DXO: variants seen among roughly 807,000 people sequenced by gnomAD.
The protein encoded by DXO is decapping and exoribonuclease protein.
A neutral mutation model predicts 39.8 loss-of-function variants in DXO; 42 were observed. The ratio of observed to expected loss-of-function variants is 1.06; its 90% confidence interval spans 0.83 to 1.37. The LOEUF (loss-of-function observed/expected upper bound fraction) is 1.37, where lower values mean the gene tolerates loss of function less well. DXO is among the 40% of genes most tolerant of loss of function. DXO has a pLI of 0.00. For missense variants in DXO, 495 were observed against 513.0 expected (o/e 0.96, Z 0.34); for synonymous variants, 193 against 200.4 (o/e 0.96, Z 0.31).
Position 31,971,571 on chromosome 6 carries a change from G to C in DXO, c.105C>G (p.Leu35=). ...GGTAGAAAGGAAAGGGCCCAGAGTA[G>C]AGGGCAGGGTCTGTGGGCAGAGAAG... ...PAPSLPTDPA[L]YSGPFPFYRR... The change falls in exon 2 of 7, where the codon CTC becomes CTG. Residue 35 remains leucine (L), a synonymous_variant. Transcript: ENST00000337523. The surrounding 1 kb of genome is among the most constrained non-coding windows in gnomAD (Gnocchi z 4.5). 2 of 1,614,122 alleles carry C rather than the reference G, an allele frequency of 1.2e-6. No homozygotes were observed. Among genetic ancestry groups the C allele is most frequent in the Non-Finnish European group, 1.7e-6 (2 of 1,180,042 alleles).
At position 31,970,174 on chromosome 6, in the gene DXO, C is replaced by T. The variant is rs1253320239; in HGVS notation, c.978G>A (p.Val326=). The T allele has an allele frequency of 1.4e-5, 23 of 1,613,792 alleles. No homozygotes were observed. Among genetic ancestry groups the T allele is most frequent in the Non-Finnish European group, 1.9e-5 (23 of 1,180,008 alleles). The change falls in exon 6 of 7, where the codon GTG becomes GTA. Residue 326 remains valine, a synonymous_variant. Coordinates refer to ENST00000337523, the MANE Select transcript of DXO (RefSeq NM_005510.4). This position sits in a 1 kb window ranked among gnomAD's most constrained non-coding sequence, Gnocchi z 4.0. ...RNDRDGWNPS[V]CMNFCAAFLS... ...GGAAGGCGGCACAGAAGTTCATGCA[C>T]ACAGAGGGATTCCAGCCGTCACGGT... is the stretch of plus-strand genomic sequence containing the variant.
Position 31,971,444 on chromosome 6 carries a change from G to C in DXO, c.232C>G (p.Pro78Ala), listed in dbSNP as rs1167847307. The change falls in exon 2 of 7, where the codon CCA (proline) becomes GCA (alanine). Residue 78 changes from proline to alanine, a missense_variant. Pro to Ala is a conservative substitution (Grantham distance 27). Coordinates refer to ENST00000337523, the MANE Select transcript of DXO (RefSeq NM_005510.4). This position sits in a 1 kb window ranked among gnomAD's most constrained non-coding sequence, Gnocchi z 4.5. ...TCTCTGAGGTCAAAGTTGGGGCCTG[G>C]ACCGTTAGTGGGGGGTGGGCTATAG... ...RYYSPPPTNGPGPNFDLRDGY... is the reference protein window; with the variant it reads ...RYYSPPPTNGAGPNFDLRDGY... The C allele has an allele frequency of 6.2e-7, 1 of 1,613,500 alleles. No homozygotes were observed. The highest frequency in any genetic ancestry group is 8.5e-7 in the Non-Finnish European group (1 of 1,179,622).
At position 31,971,551 on chromosome 6, in the gene DXO, A is replaced by G; in HGVS notation, c.125T>C (p.Phe42Ser). ...DPALYSGPFP[F>S]YRRPSELGCF... ...GCCCAGTTCCGAAGGGCGCCGGTAGAAAGGAAAGGGCCCAGAGTAGAGGGC... is the reference window on the plus strand; with the variant it reads ...GCCCAGTTCCGAAGGGCGCCGGTAGGAAGGAAAGGGCCCAGAGTAGAGGGC... The change falls in exon 2 of 7, where the codon TTC becomes TCC. Residue 42 changes from phenylalanine to serine, a missense_variant. Transcript: ENST00000337523. The surrounding 1 kb of genome is among the most constrained non-coding windows in gnomAD (Gnocchi z 4.5). 6.2e-7 allele frequency: 1 copy of G among 1,614,170 alleles called. No homozygotes were observed. The highest frequency in any genetic ancestry group is 2.2e-5 in the East Asian group (1 of 44,884).
Position 31,970,040 on chromosome 6 carries a change from A to T in DXO, c.1044-16T>A. The stretch of plus-strand genomic sequence containing the variant: ...ATGAACGAGCCTGGGGGGCAGATGG[A>T]GGCATCAGTTGAGGGCCAGAGGCTG... On this transcript the variant is annotated splice_polypyrimidine_tract_variant and intron_variant, in intron 6 of 6. Transcript: ENST00000337523. This position sits in a 1 kb window ranked among gnomAD's most constrained non-coding sequence, Gnocchi z 4.0. The T allele has an allele frequency of 6.2e-7, 1 of 1,613,980 alleles. No homozygotes were observed. Among genetic ancestry groups the T allele is most frequent in the South Asian group, 1.1e-5 (1 of 91,078 alleles).
rs1488636758 is a variant in DXO, at chr6:31,970,731, C to G, written c.687G>C (p.Leu229=). The change falls in exon 4 of 7, where the codon CTG becomes CTC. Residue 229 remains leucine (L), a synonymous_variant. Coordinates refer to ENST00000337523, the MANE Select transcript of DXO (RefSeq NM_005510.4). The surrounding 1 kb of genome is among the most constrained non-coding windows in gnomAD (Gnocchi z 4.0). ...TGCAGTCTACCTCCCCTGAGAAGAG[C>G]AGAGGGTGGCTTCCCAGGCGGCTGC... ...VLRSRLGSHP[L]LFSGEVDCTD... The G allele has an allele frequency of 1.9e-6, 3 of 1,612,808 alleles. No homozygotes were observed. Among genetic ancestry groups the G allele is most frequent in the African/African-American group, 2.7e-5 (2 of 74,868 alleles).
In DXO at chr6:31,971,078, C is replaced by T. The variant is rs1290824972; in HGVS notation, c.426G>A (p.Pro142=). 1.9e-6 allele frequency: 3 copies of T among 1,612,936 alleles called. No homozygotes were observed. The highest frequency in any genetic ancestry group is 1.3e-5 in the African/African-American group (1 of 75,016). The stretch of plus-strand genomic sequence containing the variant: ...GCTGCCAGCCCTCCTGCCGCTCATA[C>T]GGTGTCGTCAGCAGTTTTGTCAGGT... ...RGHLTKLLTT[P]YERQEGWQLA... is the part of the protein sequence containing the mutation. Residue 142 remains proline, a synonymous_variant, in exon 3 of 7, where the codon CCG becomes CCA. Transcript: ENST00000337523. This position sits in a 1 kb window ranked among gnomAD's most constrained non-coding sequence, Gnocchi z 4.5.
Position 31,970,275 on chromosome 6 carries a change from C to T in DXO, c.948+68G>A. Reference sequence around the variant, plus strand: ...GGGAGGAGAGAAGGCAGGCTGTTGCCCTGGATGCTAGACCTGTGGTCTTGG... The same window carrying T: ...GGGAGGAGAGAAGGCAGGCTGTTGCTCTGGATGCTAGACCTGTGGTCTTGG... On this transcript the variant is annotated intron_variant, in intron 5 of 6. Coordinates refer to ENST00000337523, the MANE Select transcript of DXO (RefSeq NM_005510.4). The surrounding 1 kb of genome is among the most constrained non-coding windows in gnomAD (Gnocchi z 4.0). The T allele has an allele frequency of 1.9e-6, 3 of 1,613,840 alleles. No homozygotes were observed. The highest frequency in any genetic ancestry group is 1.7e-5 in the Admixed American group (1 of 59,988).
chr6:31,971,817 G>A lies in DXO; in HGVS notation c.-7+112C>T. On this transcript the variant is annotated intron_variant, in intron 1 of 6. Coordinates refer to ENST00000337523, the MANE Select transcript of DXO (RefSeq NM_005510.4). This position sits in a 1 kb window ranked among gnomAD's most constrained non-coding sequence, Gnocchi z 4.5. ...TTCAGGCCCCTCAGACGCCACCGCG[G>A]CCAAGCTCTCATCCTGCCTCTTTCC... The A allele has an allele frequency of 7.6e-7, 1 of 1,316,584 alleles. No individual in the cohort carries two copies. Among genetic ancestry groups the A allele is most frequent in the East Asian group, 2.5e-5 (1 of 39,904 alleles). 81.6% of individuals were successfully genotyped at this position (1,316,584 alleles called of 1,614,324 possible). A position where few individuals can be genotyped will look rare whatever the true frequency, so the allele number is the denominator to read the frequency against.
chr6:31,971,944 C>A lies in DXO; in HGVS notation c.-22G>T. 1 of 1,554,962 alleles carries A rather than the reference C, an allele frequency of 6.4e-7. No individual in the cohort carries two copies. The highest frequency in any genetic ancestry group is 1.2e-5 in the South Asian group (1 of 83,472). On this transcript the variant is annotated 5_prime_UTR_variant, in exon 1 of 7. Transcript: ENST00000337523. The surrounding 1 kb of genome is among the most constrained non-coding windows in gnomAD (Gnocchi z 4.5). ...ATCCAGTTACCTCAAAGCTCCCCAA[C>A]TTCCACCTCCGCAGAGCTATGACGT...
At position 31,971,235 on chromosome 6, in the gene DXO, CTGAT is replaced by C. The variant is rs1188907239; in HGVS notation, c.356+81_356+84del. On this transcript the variant is annotated intron_variant, in intron 2 of 6. Coordinates refer to ENST00000337523, the MANE Select transcript of DXO (RefSeq NM_005510.4). This position sits in a 1 kb window ranked among gnomAD's most constrained non-coding sequence, Gnocchi z 4.5. Reference sequence around the variant, plus strand: ...AGAATAGTCTTGTTTCTTCTAAGGACTGATTCTCACCCCGGCTTTGGCTCTCCTA... The same window carrying C: ...AGAATAGTCTTGTTTCTTCTAAGGACTCTCACCCCGGCTTTGGCTCTCCTA... The C allele has an allele frequency of 1.3e-4, 203 of 1,553,976 alleles. No homozygotes were observed. The highest frequency in any genetic ancestry group is 1.6e-4 in the Non-Finnish European group (184 of 1,148,134).
chr6:31,970,649 A>C lies in DXO; in HGVS notation c.769T>G (p.Ser257Ala). ...TGGCCAGGGCTGTGCATCTCCTTGG[A>C]GGTCTTGAGCTCCACATAGCAGGTT... Reference protein sequence around the residue: ...PPTCYVELKTSKEMHSPGQWR... With the variant: ...PPTCYVELKTAKEMHSPGQWR... Residue 257 changes from serine (S) to alanine (A), a missense_variant, in exon 4 of 7, where the codon TCC (serine) becomes GCC (alanine). Physicochemically the swap from Ser to Ala is moderately conservative, Grantham distance 99 (BLOSUM62 1). Transcript: ENST00000337523. This position sits in a 1 kb window ranked among gnomAD's most constrained non-coding sequence, Gnocchi z 4.0. The C allele has an allele frequency of 1.2e-6, 2 of 1,612,832 alleles. No homozygotes were observed. The highest frequency in any genetic ancestry group is 1.7e-6 in the Non-Finnish European group (2 of 1,179,946).
In DXO at chr6:31,970,137, G is replaced by A. The variant is rs2151819657; in HGVS notation, c.1015C>T (p.Gln339Ter). The A allele has an allele frequency of 1.2e-6, 2 of 1,613,910 alleles. No individual in the cohort carries two copies. Among genetic ancestry groups the A allele is most frequent in the Middle Eastern group, 3.3e-4 (2 of 6,062 alleles). Residue 339 changes from glutamine to a stop codon, truncating the protein, a stop_gained, in exon 6 of 7, where the codon CAG (glutamine) becomes TAG (stop). Coordinates refer to ENST00000337523, the MANE Select transcript of DXO (RefSeq NM_005510.4). LOFTEE classifies it high-confidence loss of function. This position sits in a 1 kb window ranked among gnomAD's most constrained non-coding sequence, Gnocchi z 4.0. ...NFCAAFLSFAQSTVVQDDPRL... is the reference protein window; with the variant it reads ...NFCAAFLSFA The stretch of plus-strand genomic sequence containing the variant: ...GGGTCATCCTGGACAACCGTGCTCT[G>A]GGCAAAGCTAAGGAAGGCGGCACAG...
rs1773286817 is a variant in DXO at position 31,971,228 on chromosome 6, C to T, written c.357-81G>A. On this transcript the variant is annotated intron_variant, in intron 2 of 6. Coordinates refer to ENST00000337523, the MANE Select transcript of DXO (RefSeq NM_005510.4). This position sits in a 1 kb window ranked among gnomAD's most constrained non-coding sequence, Gnocchi z 4.5. ...CCCTCGAAGAATAGTCTTGTTTCTTCTAAGGACTGATTCTCACCCCGGCTT... is the reference window on the plus strand; with the variant it reads ...CCCTCGAAGAATAGTCTTGTTTCTTTTAAGGACTGATTCTCACCCCGGCTT... The T allele has an allele frequency of 1.3e-6, 2 of 1,562,046 alleles. No individual in the cohort carries two copies. Among genetic ancestry groups the T allele is most frequent in the Admixed American group, 1.8e-5 (1 of 55,712 alleles).
In DXO at chr6:31,971,456, G is replaced by A. The variant is rs750238921; in HGVS notation, c.220C>T (p.Pro74Ser). The A allele has an allele frequency of 6.2e-7, 1 of 1,613,968 alleles. No homozygotes were observed. The highest frequency in any genetic ancestry group is 1.7e-5 in the Admixed American group (1 of 60,008). The change falls in exon 2 of 7, where the codon CCC (proline) becomes TCC (serine). Residue 74 changes from proline (P) to serine (S), a missense_variant. Coordinates refer to ENST00000337523, the MANE Select transcript of DXO (RefSeq NM_005510.4). The surrounding 1 kb of genome is among the most constrained non-coding windows in gnomAD (Gnocchi z 4.5). ...AAGTTGGGGCCTGGACCGTTAGTGG[G>A]GGGTGGGCTATAGTAGCGCAGGGCT... is the stretch of plus-strand genomic sequence containing the variant. Reference protein sequence around the residue: ...ARALRYYSPPPTNGPGPNFDL... With the variant: ...ARALRYYSPPSTNGPGPNFDL...
rs771914309 is a variant in DXO, at chr6:31,970,596, G to A, written c.812+10C>T. The A allele has an allele frequency of 2.8e-5, 45 of 1,612,572 alleles. No homozygotes were observed. The highest frequency in any genetic ancestry group is 3.3e-5 in the Admixed American group (2 of 59,958). ...CCTAAGCTCTCGCCCTGCCCACCCC[G>A]ATCCTGAACCTGTAGAAACTCCTCC... On this transcript the variant is annotated intron_variant, in intron 4 of 6. Transcript: ENST00000337523. The surrounding 1 kb of genome is among the most constrained non-coding windows in gnomAD (Gnocchi z 4.0).
Position 31,971,597 on chromosome 6 carries a change from G to GT in DXO, c.78dup (p.Pro27ThrfsTer45). 1 of 1,613,732 alleles carries GT rather than the reference G, an allele frequency of 6.2e-7. No homozygotes were observed. The highest frequency in any genetic ancestry group is 1.1e-5 in the South Asian group (1 of 91,080). On this transcript the variant is annotated frameshift_variant, in exon 2 of 7. Coordinates refer to ENST00000337523, the MANE Select transcript of DXO (RefSeq NM_005510.4). LOFTEE classifies it high-confidence loss of function. This position sits in a 1 kb window ranked among gnomAD's most constrained non-coding sequence, Gnocchi z 4.5. Reference sequence around the variant, plus strand: ...AGGGCAGGGTCTGTGGGCAGAGAAGGTGCTGGACGAGGTAGTTTGTTCCGA... The same window carrying GT: ...AGGGCAGGGTCTGTGGGCAGAGAAGGTTGCTGGACGAGGTAGTTTGTTCCGA...
rs749419336 is a variant in DXO at position 31,971,934 on chromosome 6, A to C, written c.-12T>G. On this transcript the variant is annotated 5_prime_UTR_variant, in exon 1 of 7. Transcript: ENST00000337523. This position sits in a 1 kb window ranked among gnomAD's most constrained non-coding sequence, Gnocchi z 4.5. ...CAGATCAAGAATCCAGTTACCTCAAAGCTCCCCAACTTCCACCTCCGCAGA... is the reference window on the plus strand; with the variant it reads ...CAGATCAAGAATCCAGTTACCTCAACGCTCCCCAACTTCCACCTCCGCAGA... The C allele has an allele frequency of 2.0e-4, 313 of 1,546,518 alleles. No individual in the cohort carries two copies. The highest frequency in any genetic ancestry group is 2.5e-4 in the Non-Finnish European group (289 of 1,143,736).
rs1773414542 is a variant in DXO, at chr6:31,972,115, C to G, written c.-193G>C. ...AAGGAGGTTGACACCAACGTGGCCA[C>G]CGGCGCCCCTCCACGCCGCCAACGA... On this transcript the variant is annotated 5_prime_UTR_variant, in exon 1 of 7. Transcript: ENST00000337523. This position sits in a 1 kb window ranked among gnomAD's most constrained non-coding sequence, Gnocchi z 6.3. The G allele has an allele frequency of 6.2e-7, 1 of 1,613,046 alleles. No homozygotes were observed. The highest frequency in any genetic ancestry group is 1.1e-5 in the South Asian group (1 of 91,070).
chr6:31,970,479 C>G lies in DXO; in HGVS notation c.813-1G>C. The G allele has an allele frequency of 6.2e-7, 1 of 1,614,102 alleles. No individual in the cohort carries two copies. On this transcript the variant is annotated splice_acceptor_variant, in intron 4 of 6. Transcript: ENST00000337523. LOFTEE classifies it high-confidence loss of function. The surrounding 1 kb of genome is among the most constrained non-coding windows in gnomAD (Gnocchi z 4.0). ...AGCCCACCATTTCAGGAGCTTGTGT[C>G]TGACAGGAAAAGCAAGGGATCAGTG...
Sources: allele counts gnomAD v4.1 joint callset, GRCh38; gene constraint gnomAD v4.1.1; non-coding constraint Gnocchi (gnomAD v3.1); transcripts MANE v1.5; gene names NCBI Gene and HGNC (gene_info 2026-07-23, HGNC 2026-07-21).